The following TAFA2 variants were observed in gnomAD, a reference collection of about 807,000 sequenced individuals.
TAFA2 encodes chemokine-like protein TAFA-2.
Under a neutral mutation model 18.8 loss-of-function variants are expected in TAFA2, and 7 were observed. The ratio of observed to expected loss-of-function variants is 0.37; its 90% CI spans 0.21 to 0.70. The LOEUF (loss-of-function observed/expected upper bound fraction) is 0.70. Ranked by LOEUF, TAFA2 falls within the 30% of genes least tolerant of loss-of-function variation. The pLI, the probability that TAFA2 is intolerant of heterozygous loss-of-function variation, is 0.53. For synonymous variants in TAFA2, 60 were observed against 54.2 expected, an observed-to-expected ratio of 1.11 and a Z score of -0.47; for missense variants, 122 against 158.1, an observed-to-expected ratio of 0.77 and a Z score of 1.23.
At chr12:62,154,588 T>A (rs963897218) in intron 1 of TAFA2, among the ~76,000 whole-genome samples, 2 of 152,204 alleles carry the variant, frequency 1.3e-5, no homozygotes, top group Non-Finnish European at 2.9e-5. Flanking sequence ...GATAATATAT[T>A]TGAAAGTGTT....
chr12:61,762,774 T>C (rs1368165403), intron 2 of TAFA2, among the ~76,000 whole-genome samples: 1 of 151,970 alleles, frequency 6.6e-6, no homozygotes, highest in Non-Finnish European at 1.5e-5. Context: ...TGGTTTCCTC[T>C]ACACTAGATT....
intron 2 of TAFA2, among the ~76,000 whole-genome samples, chr12:61,802,059 G>A (rs2120974955): frequency 6.6e-6 from 1 of 152,088 alleles, no homozygotes; most frequent in East Asian, 1.9e-4. Context: ...AAACCACAGT[G>A]AGATTTCATG....
chr12:61,934,904 G>A (rs989844736), intron 1 of TAFA2, among the ~76,000 whole-genome samples: 2 of 152,156 alleles, frequency 1.3e-5, no homozygotes, highest in Non-Finnish European at 2.9e-5. Context: ...TCCACAGTTA[G>A]TACTTTTTGA....
chr12:61,882,076 A>G (rs138288784), intron 1 of TAFA2, among the ~76,000 whole-genome samples: 7 of 152,204 alleles, frequency 4.6e-5, no homozygotes, highest in Non-Finnish European at 8.8e-5. Context: ...AGAGTGCTTT[A>G]AAGTCCTTAG....
chr12:62,117,193 G>A (rs540266934), intron 1 of TAFA2, among the ~76,000 whole-genome samples: 94 of 152,210 alleles, frequency 6.2e-4, no homozygotes, highest in Non-Finnish European at 1.2e-3. Flanking sequence ...ATAAGTATCT[G>A]GGCTTCATTA....
intron 2 of TAFA2, among the ~76,000 whole-genome samples, chr12:61,792,162 T>C: frequency 6.6e-6 from 1 of 151,464 alleles, no homozygotes; most frequent in East Asian, 1.9e-4. Context: ...CCTTAAGAAG[T>C]TGATCTTACA....
intron 2 of TAFA2, among the ~76,000 whole-genome samples, chr12:61,790,646 A>G (rs931266205): frequency 1.3e-5 from 2 of 151,776 alleles, no homozygotes; most frequent in African/African-American, 4.8e-5. Context: ...ACCTAGGAGT[A>G]AATTTAACCA....
intron 1 of TAFA2, among the ~76,000 whole-genome samples, chr12:61,868,210 C>T (rs1874439862): frequency 6.6e-6 from 1 of 152,120 alleles, no homozygotes; most frequent in South Asian, 2.1e-4. Flanking sequence ...TTCTGAAGAA[C>T]AAATTTGGCC....
At chr12:61,992,791 T>G (rs146559131) in intron 1 of TAFA2, among the ~76,000 whole-genome samples, 1 of 152,202 alleles carries the variant, frequency 6.6e-6, no homozygotes, top group East Asian at 1.9e-4. Flanking sequence ...TCCATGAGAG[T>G]AGAAATTTTG....
At chr12:61,712,170 C>T (rs9645825) in intron 4 of TAFA2, among the ~76,000 whole-genome samples, 6,242 of 152,054 alleles carry the variant, frequency 0.041, 197 homozygotes, top group Non-Finnish European at 0.059. Flanking sequence ...AGAAACATGG[C>T]GGAAATGAAC....
intron 1 of TAFA2, among the ~76,000 whole-genome samples, chr12:61,893,787 T>C (rs1875731220): frequency 6.6e-6 from 1 of 152,334 alleles, no homozygotes; most frequent in African/African-American, 2.4e-5. Context: ...AATATAGACA[T>C]ATTCAAAATT....
chr12:61,863,239 A>T (rs76662337), intron 2 of TAFA2, among the ~76,000 whole-genome samples: 61 of 152,296 alleles, frequency 4.0e-4, no homozygotes, highest in African/African-American at 1.4e-3. Flanking sequence ...AAGGAGTTCA[A>T]TGTTGATGGG....
intron 1 of TAFA2, among the ~76,000 whole-genome samples, chr12:61,981,080 A>G (rs1879619272): frequency 6.6e-6 from 1 of 152,224 alleles, no homozygotes; most frequent in Non-Finnish European, 1.5e-5. Context: ...ACAGTAACCA[A>G]AACAGCATGG....
At chr12:61,904,967 T>C (rs994911020) in intron 1 of TAFA2, among the ~76,000 whole-genome samples, 7 of 152,180 alleles carry the variant, frequency 4.6e-5, no homozygotes, top group Non-Finnish European at 1.0e-4. Context: ...CATAGTATCT[T>C]CAACAGGTTG....
At chr12:62,050,515 T>C (rs1882024122) in intron 1 of TAFA2, among the ~76,000 whole-genome samples, 1 of 151,164 alleles carries the variant, frequency 6.6e-6, no homozygotes, top group African/African-American at 2.4e-5. Flanking sequence ...GAGCTTGCAG[T>C]GAGCCGAGAT....
At chr12:61,959,331 T>G (rs369773563) in intron 1 of TAFA2, among the ~76,000 whole-genome samples, 11 of 151,888 alleles carry the variant, frequency 7.2e-5, no homozygotes, top group African/African-American at 2.7e-4. Flanking sequence ...ATTCAAATTT[T>G]GTTTGAGTAT....
At chr12:62,250,382 A>G (rs1398147608) in intron 1 of TAFA2, among the ~76,000 whole-genome samples, 7 of 152,110 alleles carry the variant, frequency 4.6e-5, no homozygotes, top group African/African-American at 1.7e-4. Flanking sequence ...CTCTGAGTTC[A>G]TATTTTTATG....
intron 1 of TAFA2, among the ~76,000 whole-genome samples, chr12:62,102,361 T>C (rs1869248026): frequency 6.6e-6 from 1 of 152,222 alleles, no homozygotes; most frequent in African/African-American, 2.4e-5. Flanking sequence ...ATGAGATATT[T>C]TTCTTCAGAA....
chr12:61,750,906 C>A (rs1238552662), intron 4 of TAFA2, among the ~76,000 whole-genome samples: 1 of 152,118 alleles, frequency 6.6e-6, no homozygotes. Context: ...TACATAACTT[C>A]TGGCCTTTCC....
Sources: gnomAD v4.1 joint callset for allele counts (sites outside exome capture counted in the v4.1 genomes callset) on GRCh38, gnomAD v4.1.1 for gene constraint, MANE v1.5 for transcripts, NCBI Gene and HGNC (gene_info 2026-07-23, HGNC 2026-07-21) for gene names.